The following GLRA3 variants were observed in gnomAD, a reference collection of about 807,000 sequenced individuals.
The protein encoded by GLRA3 is glycine receptor subunit alpha-3.
Under a neutral mutation model 60.4 loss-of-function variants are expected in GLRA3, and 44 were observed. The observed-to-expected ratio is 0.73, with a 90% CI of 0.57 to 0.94. GLRA3 has a LOEUF of 0.94. Among genes scored for constraint, GLRA3 ranks in the 40% least tolerant of loss-of-function variants. The pLI, the probability that GLRA3 is intolerant of heterozygous loss-of-function variation, is 0.00. For missense variants in GLRA3, 508 were observed against 564.6 expected, an observed-to-expected ratio of 0.90 and a Z score of 1.02; for synonymous variants, 223 against 192.9, an observed-to-expected ratio of 1.16 and a Z score of -1.29.
chr4:174,735,497 A>AC (rs1465428109), intron 3 of GLRA3, among the ~76,000 whole-genome samples: 5 of 152,338 alleles, frequency 3.3e-5, no homozygotes, highest in Admixed American at 3.3e-4. Context: ...TGTTAATTAC[A>AC]CAATTTACAT....
intron 7 of GLRA3, among the ~76,000 whole-genome samples, chr4:174,661,489 C>A (rs1733437724): frequency 6.6e-6 from 1 of 152,184 alleles, no homozygotes; most frequent in Admixed American, 6.6e-5. Context: ...TGATCATTCA[C>A]CTCATTTTTG....
intron 3 of GLRA3, among the ~76,000 whole-genome samples, chr4:174,737,410 T>C (rs1318878534): frequency 2.0e-5 from 3 of 152,206 alleles, no homozygotes; most frequent in Admixed American, 2.0e-4. Flanking sequence ...GCAAAAACTT[T>C]GTTGTATTTG....
At chr4:174,754,133 C>G (rs1737595763) in intron 3 of GLRA3, among the ~76,000 whole-genome samples, 1 of 152,164 alleles carries the variant, frequency 6.6e-6, no homozygotes, top group African/African-American at 2.4e-5. Flanking sequence ...GATCTGTAGA[C>G]AGTCCCTTTC....
At chr4:174,776,905 A>G (rs1738625705) in intron 2 of GLRA3, among the ~76,000 whole-genome samples, 1 of 152,218 alleles carries the variant, frequency 6.6e-6, no homozygotes, top group Non-Finnish European at 1.5e-5. Context: ...AAACACAATT[A>G]CAGAGTTAAA....
At chr4:174,750,979 A>G (rs187853611) in intron 3 of GLRA3, among the ~76,000 whole-genome samples, 1 of 152,210 alleles carries the variant, frequency 6.6e-6, no homozygotes, top group Admixed American at 6.5e-5. Flanking sequence ...GAACTTTTAC[A>G]TAGGGATCTA....
At chr4:174,823,986 G>A (rs533999458) in intron 1 of GLRA3, among the ~76,000 whole-genome samples, 18 of 152,160 alleles carry the variant, frequency 1.2e-4, no homozygotes, top group South Asian at 4.2e-4. Flanking sequence ...TATCCTCATC[G>A]TTGACAAATG....
chr4:174,664,905 G>C (rs1216891400), intron 7 of GLRA3, among the ~76,000 whole-genome samples: 1 of 152,104 alleles, frequency 6.6e-6, no homozygotes, highest in Non-Finnish European at 1.5e-5. Context: ...AGGTGTTACA[G>C]GTATAGAGAT....
At chr4:174,711,565 G>A (rs897814951) in intron 5 of GLRA3, among the ~76,000 whole-genome samples, 5 of 151,538 alleles carry the variant, frequency 3.3e-5, no homozygotes, top group Non-Finnish European at 4.4e-5. Context: ...TCAGCCACCC[G>A]AGCAGCTGGG....
chr4:174,774,489 T>C (rs968581692), intron 2 of GLRA3, among the ~76,000 whole-genome samples: 3 of 112,734 alleles, frequency 2.7e-5, no homozygotes, highest in Non-Finnish European at 3.9e-5. Flanking sequence ...TAACCTGTAA[T>C]GGCAAAATCT....
At chr4:174,809,010 C>G (rs1560811897) in intron 1 of GLRA3, among the ~76,000 whole-genome samples, 1 of 152,128 alleles carries the variant, frequency 6.6e-6, no homozygotes, top group African/African-American at 2.4e-5. Context: ...AAATTCGACA[C>G]TAGTGTACAG....
intron 7 of GLRA3, among the ~76,000 whole-genome samples, chr4:174,672,808 C>T (rs1733960862): frequency 6.6e-6 from 1 of 152,090 alleles, no homozygotes. Context: ...TGCCAAGAAT[C>T]TCATAATATT....
Position 174,828,782 on chromosome 4 carries a change from T to A in GLRA3, c.30A>T (p.Leu10Phe). 1 of 1,612,282 alleles carries A rather than the reference T, an allele frequency of 6.2e-7. No homozygotes were observed. The highest frequency in any genetic ancestry group is 8.5e-7 in the Non-Finnish European group (1 of 1,178,320). The change falls in exon 1 of 10, where the codon TTA (leucine) becomes TTT (phenylalanine). Residue 10 changes from leucine (L) to phenylalanine (F), a missense_variant. Leu to Phe is a conservative substitution (Grantham distance 22). Coordinates refer to ENST00000274093, the MANE Select transcript of GLRA3 (RefSeq NM_006529.4). MAHVRHFRT[L>F]VSGFYFWEAA... ...CTTCCCAGAAGTAAAATCCCGAAAC[T>A]AATGTCCGAAAGTGTCTCACGTGGG...
At chr4:174,819,193 T>C (rs1740636321) in intron 1 of GLRA3, among the ~76,000 whole-genome samples, 1 of 152,212 alleles carries the variant, frequency 6.6e-6, no homozygotes, top group Non-Finnish European at 1.5e-5. Context: ...CAAGTGAATA[T>C]AGAGTAGCTT....
At chr4:174,646,916 A>G (rs1732841244) in intron 9 of GLRA3, among the ~76,000 whole-genome samples, 1 of 152,108 alleles carries the variant, frequency 6.6e-6, no homozygotes, top group South Asian at 2.1e-4. Context: ...TCCAGGAGGG[A>G]GTTCTGAGGA....
rs1449903599 is a variant in GLRA3 at position 174,642,314 on chromosome 4, T to A, written c.*1472A>T. The A allele has an allele frequency of 1.8e-5, 17 of 951,634 alleles. No individual in the cohort carries two copies. The highest frequency in any genetic ancestry group is 2.1e-5 in the African/African-American group (1 of 47,098). The allele number at this position is 951,634 out of a possible 1,614,324, so 58.9% of individuals were successfully genotyped here. A position where few individuals can be genotyped will look rare whatever the true frequency, so the allele number is the denominator to read the frequency against. ...AAAGAACTGGCTTTTCTATTGTACA[T>A]CTGAGTTCATTGTTTTCTTAATCTT... is the stretch of plus-strand genomic sequence containing the variant. On this transcript the variant is annotated 3_prime_UTR_variant, in exon 10 of 10. Transcript: ENST00000274093.
chr4:174,788,780 A>G (rs895000847), intron 2 of GLRA3, 36 bp downstream of exon 2: 12 of 1,463,592 alleles, frequency 8.2e-6, no homozygotes, highest in Non-Finnish European at 1.1e-5. Context: ...AAGTATATTT[A>G]AAACACACAT....
intron 5 of GLRA3, among the ~76,000 whole-genome samples, chr4:174,693,700 A>C (rs1734947117): frequency 6.6e-6 from 1 of 152,162 alleles, no homozygotes; most frequent in Non-Finnish European, 1.5e-5. Context: ...TGTCATTGTT[A>C]ATTTTATAGA....
intron 1 of GLRA3, among the ~76,000 whole-genome samples, chr4:174,820,179 C>G (rs1362555486): frequency 6.6e-6 from 1 of 151,982 alleles, no homozygotes; most frequent in East Asian, 1.9e-4. Flanking sequence ...AGACATTTTT[C>G]CCTGAAAAGG....
intron 2 of GLRA3, among the ~76,000 whole-genome samples, chr4:174,770,903 A>G (rs1738353547): frequency 1.3e-5 from 2 of 151,960 alleles, no homozygotes; most frequent in Non-Finnish European, 2.9e-5. Flanking sequence ...ATGCAGCCAT[A>G]AAAAATGAAA....
Sources: allele counts gnomAD v4.1 joint callset (sites outside exome capture counted in the v4.1 genomes callset), GRCh38; gene constraint gnomAD v4.1.1; transcripts MANE v1.5; gene names NCBI Gene and HGNC (gene_info 2026-07-23, HGNC 2026-07-21).